Variants in STAU1 observed in about 807,000 individuals in gnomAD.
STAU1 encodes staufen double-stranded RNA binding protein 1.
In STAU1, 13 loss-of-function variants were observed where a neutral mutation model predicts 62.9. That is an observed-to-expected ratio of 0.21 (90% confidence interval 0.13 to 0.33). The LOEUF is 0.33. Among genes scored for constraint, STAU1 ranks in the 10% least tolerant of loss-of-function variants. STAU1 has a pLI of 1.00. For missense variants in STAU1, 571 were observed against 712.1 expected, an observed-to-expected ratio of 0.80 and a Z score of 2.25; for synonymous variants, 269 against 265.1, an observed-to-expected ratio of 1.01 and a Z score of -0.14.
upstream of STAU1, among the ~76,000 whole-genome samples, chr20:49,189,780 T>C (rs1457128889): frequency 2.0e-5 from 3 of 152,110 alleles, no homozygotes; most frequent in Non-Finnish European, 2.9e-5. Flanking sequence ...CCCCACTATT[T>C]AAAAATAATT....
the STAU1 span, among the ~76,000 whole-genome samples, chr20:49,213,621 A>G: frequency 2.6e-5 from 4 of 152,178 alleles, no homozygotes; most frequent in Admixed American, 2.6e-4. Flanking sequence ...ATTAATTCCC[A>G]TTGGAAAATC....
intron 3 of STAU1, among the ~76,000 whole-genome samples, chr20:49,163,385 A>T: frequency 7.3e-6 from 1 of 137,160 alleles, no homozygotes; most frequent in Admixed American, 7.2e-5. Context: ...TTTCTTGTCT[A>T]TAATATTTTT....
intron 5 of STAU1, among the ~76,000 whole-genome samples, chr20:49,149,397 C>T (rs1237288925): frequency 1.3e-5 from 2 of 152,030 alleles, no homozygotes; most frequent in African/African-American, 2.4e-5. Context: ...TCTCACCCTA[C>T]ACCTATTGCA....
chr20:49,115,201 A>T (rs561264552), intron 13 of STAU1, among the ~76,000 whole-genome samples: 3 of 151,752 alleles, frequency 2.0e-5, no homozygotes, highest in Admixed American at 1.3e-4. Flanking sequence ...GGCGGTGGGG[A>T]GAATAGGAGG....
intron 1 of STAU1, among the ~76,000 whole-genome samples, chr20:49,184,361 C>T (rs2093762416): frequency 6.6e-6 from 1 of 152,064 alleles, no homozygotes; most frequent in African/African-American, 2.4e-5. Flanking sequence ...GCTTAGGGTG[C>T]AAGGCCGGAA....
intron 8 of STAU1, 23 bp downstream of exon 8, chr20:49,123,069 G>A (rs765408378): frequency 7.7e-6 from 12 of 1,554,314 alleles, no homozygotes; most frequent in Middle Eastern, 2.1e-4. Context: ...AGGAAGGGGC[G>A]CCCATCATCC....
In STAU1 at chr20:49,158,816, A is replaced by G. The variant is rs939529943; in HGVS notation, c.206-4745T>C. ...CAGAGACTCCATTTCAAAATAAAAA[A>G]AAGCCGGGCGCGGTGGCTCATGCCT... On this transcript the variant is annotated intron_variant, in intron 3 of 13. Coordinates refer to ENST00000371856, the MANE Select transcript of STAU1 (RefSeq NM_017453.4). 6.3e-6 allele frequency: 4 copies of G among 639,542 alleles called. 1 individual carries two copies. In the Admixed American group the frequency reaches 1.5e-4, roughly 24 times the overall value. The allele number at this position is 639,542 out of a possible 1,614,324, so 39.6% of individuals were successfully genotyped here. A position where few individuals can be genotyped will look rare whatever the true frequency, so the allele number is the denominator to read the frequency against.
In STAU1 at chr20:49,159,078, C is replaced by T. The variant is rs1353866273; in HGVS notation, c.206-5007G>A. On this transcript the variant is annotated intron_variant, in intron 3 of 13. Coordinates refer to ENST00000371856, the MANE Select transcript of STAU1 (RefSeq NM_017453.4). ...GGCAGGAAGGTCAAATGGCAGAAGC[C>T]TGCAACGCAGTACAATCCCTGGGTC... 4 of 1,254,750 alleles carry T rather than the reference C, an allele frequency of 3.2e-6. No homozygotes were observed. In the African/African-American group the frequency reaches 6.3e-5, roughly 20 times the overall value. The allele number at this position is 1,254,750 out of a possible 1,614,324, so 77.7% of individuals were successfully genotyped here.
chr20:49,129,929 A>G (rs1254554394), intron 6 of STAU1, among the ~76,000 whole-genome samples: 5 of 152,098 alleles, frequency 3.3e-5, no homozygotes, highest in Non-Finnish European at 5.9e-5. Flanking sequence ...AGCCCAGCCA[A>G]CTTCTTATAA....
chr20:49,199,949 G>T, the STAU1 span, among the ~76,000 whole-genome samples: 1 of 151,886 alleles, frequency 6.6e-6, no homozygotes, highest in Non-Finnish European at 1.5e-5. Context: ...GCCTCAAGAG[G>T]TCCTCCCACC....
chr20:49,211,256 A>C, the STAU1 span, among the ~76,000 whole-genome samples: 2 of 152,046 alleles, frequency 1.3e-5, no homozygotes, highest in African/African-American at 4.8e-5. Flanking sequence ...CCTTTTGTCT[A>C]CTGTGAATAG....
At chr20:49,136,882 G>C (rs1194195476) in intron 5 of STAU1, among the ~76,000 whole-genome samples, 2 of 152,112 alleles carry the variant, frequency 1.3e-5, no homozygotes, top group African/African-American at 4.8e-5. Context: ...ATTTTTAGTA[G>C]ATACGGGGTT....
chr20:49,148,235 C>T (rs2093168635), intron 5 of STAU1, among the ~76,000 whole-genome samples: 1 of 152,068 alleles, frequency 6.6e-6, no homozygotes, highest in Admixed American at 6.6e-5. Context: ...TTTTGAACAC[C>T]AACACAATGC....
At position 49,153,969 on chromosome 20, in the gene STAU1, T is replaced by G. The variant is rs777319415; in HGVS notation, c.308A>C (p.Tyr103Ser). The G allele has an allele frequency of 6.4e-5, 103 of 1,611,526 alleles. No homozygotes were observed. Among genetic ancestry groups the G allele is most frequent in the Non-Finnish European group, 8.5e-5 (100 of 1,179,510 alleles). Residue 103 changes from tyrosine (Y) to serine (S), a missense_variant, in exon 4 of 14, where the codon TAT (tyrosine) becomes TCT (serine). Around this residue, in one of 3 missense-constraint regions of STAU1, gnomAD observed 414 missense variants for 499.6 expected, o/e 0.83. Transcript: ENST00000371856. ...VDPYSRMQSTYNYNMRGGAYP... is the reference protein window; with the variant it reads ...VDPYSRMQSTSNYNMRGGAYP... ...AGCACCTCCTCTCATGTTGTAGTTA[T>G]AGGTGGACTGCATCCGAGAGTAAGG... is the stretch of plus-strand genomic sequence containing the variant.
chr20:49,183,216 T>C (rs2093747802), intron 1 of STAU1, among the ~76,000 whole-genome samples: 1 of 152,194 alleles, frequency 6.6e-6, no homozygotes, highest in Admixed American at 6.5e-5. Context: ...AAATCTGTCA[T>C]AAAATTCTCT....
At chr20:49,204,815 A>C in the STAU1 span, among the ~76,000 whole-genome samples, 1 of 150,700 alleles carries the variant, frequency 6.6e-6, no homozygotes, top group Non-Finnish European at 1.5e-5. Context: ...TGCCTGGCTA[A>C]TTTTTTGTAT....
intron 2 of STAU1, among the ~76,000 whole-genome samples, chr20:49,168,307 C>T (rs2146417030): frequency 6.6e-6 from 1 of 152,260 alleles, no homozygotes; most frequent in South Asian, 2.1e-4. Context: ...TCTCAAACTC[C>T]TGACCTCAGG....
chr20:49,123,830 G>A lies in STAU1; in HGVS notation c.822+545C>T, dbSNP rs560067438. Among the ~76,000 whole-genome samples, 73 of 152,324 alleles carry A rather than the reference G, an allele frequency of 4.8e-4. 1 individual carries two copies. The highest frequency in any genetic ancestry group is 2.1e-4 in the South Asian group (1 of 4,828). On this transcript the variant is annotated intron_variant, in intron 7 of 13. Transcript: ENST00000371856. ...AAAAATTTGGATCTTGATACAGCATGAAACTACATATACTGAAAATCACAA... is the reference window on the plus strand; with the variant it reads ...AAAAATTTGGATCTTGATACAGCATAAAACTACATATACTGAAAATCACAA...
the STAU1 span, chr20:49,219,210 G>T: frequency 1.2e-4 from 92 of 758,642 alleles, no homozygotes; most frequent in Non-Finnish European, 1.9e-4. Context: ...ACCGTTTTGA[G>T]GCCGGAGACA....
Sources: gnomAD v4.1 joint callset for allele counts (sites outside exome capture counted in the v4.1 genomes callset) on GRCh38, gnomAD v4.1.1 for gene constraint, gnomAD v4.1.1 regional missense constraint, MANE v1.5 for transcripts, NCBI Gene and HGNC (gene_info 2026-07-23, HGNC 2026-07-21) for gene names.